MPDZ: variants seen among roughly 807,000 people sequenced by gnomAD.
The protein encoded by MPDZ is multiple PDZ domain crumbs cell polarity complex component, also known as multiple PDZ domain protein.
A neutral mutation model predicts 239.1 loss-of-function variants in MPDZ; 234 were observed. The ratio of observed to expected loss-of-function variants is 0.98; its 90% confidence interval spans 0.88 to 1.09. The LOEUF is 1.09. MPDZ is among the 50% of genes least tolerant of loss of function. The pLI is 0.00. For missense variants in MPDZ, 3,175 were observed against 2,510.0 expected (o/e 1.26, Z -5.66); for synonymous variants, 1,048 against 881.3 (o/e 1.19, Z -3.35).
intron 1 of MPDZ, chr9:13,276,479 C>T (rs540003955): frequency 1.2e-4 from 18 of 152,208 alleles, no homozygotes; most frequent in Admixed American, 3.9e-4. Flanking sequence ...TGATAATGTA[C>T]GTAACAATAT....
intron 12 of MPDZ, among the ~76,000 whole-genome samples, chr9:13,197,958 T>C (rs1221067097): frequency 6.6e-6 from 1 of 152,150 alleles, no homozygotes; most frequent in East Asian, 1.9e-4. Flanking sequence ...GATATTCCAT[T>C]GTGTATATAC....
At chr9:13,270,012 T>C (rs959182111) in intron 1 of MPDZ, among the ~76,000 whole-genome samples, 1 of 152,226 alleles carries the variant, frequency 6.6e-6, no homozygotes, top group Non-Finnish European at 1.5e-5. Context: ...TGTAATTCTA[T>C]AGGATTCATT....
rs1319338068 is a variant in MPDZ at position 13,115,336 on chromosome 9, T to A, written c.5380-2A>T. ...CAAGGTTACTGTGCCTAGGGAACACTGGGGGTGGGCATGGGGGGTGTTTTA... is the reference window on the plus strand; with the variant it reads ...CAAGGTTACTGTGCCTAGGGAACACAGGGGGTGGGCATGGGGGGTGTTTTA... On this transcript the variant is annotated splice_acceptor_variant, in intron 39 of 46. Coordinates refer to ENST00000319217, the MANE Select transcript of MPDZ (RefSeq NM_001378778.1). LOFTEE classifies it high-confidence loss of function. The A allele has an allele frequency of 6.2e-7, 1 of 1,609,932 alleles. No homozygotes were observed. The highest frequency in any genetic ancestry group is 1.1e-5 in the South Asian group (1 of 91,032).
At chr9:13,242,074 G>A (rs1381356167) in intron 3 of MPDZ, among the ~76,000 whole-genome samples, 1 of 152,050 alleles carries the variant, frequency 6.6e-6, no homozygotes, top group Non-Finnish European at 1.5e-5. Flanking sequence ...AGTAAATTAG[G>A]ATGTGATGCT....
chr9:13,211,594 C>T (rs1014344857), intron 10 of MPDZ, among the ~76,000 whole-genome samples: 3 of 151,882 alleles, frequency 2.0e-5, no homozygotes, highest in African/African-American at 7.3e-5. Context: ...ATTACAGCAA[C>T]AAAATAGAAT....
chr9:13,140,159 C>T lies in MPDZ; in HGVS notation c.3841-10G>A, dbSNP rs762872194. On this transcript the variant is annotated splice_polypyrimidine_tract_variant and intron_variant, in intron 27 of 46. Transcript: ENST00000319217. ...CTGACTGACTGGGTGCCTGTGGGAA[C>T]AAAAAGAATGCAGTGGGTTTGTACA... 2 of 1,610,892 alleles carry T rather than the reference C, an allele frequency of 1.2e-6. No individual in the cohort carries two copies. The highest frequency in any genetic ancestry group is 1.7e-6 in the Non-Finnish European group (2 of 1,178,514).
chr9:13,151,443 T>C (rs1216540061), intron 24 of MPDZ, among the ~76,000 whole-genome samples: 1 of 152,098 alleles, frequency 6.6e-6, no homozygotes, highest in Non-Finnish European at 1.5e-5. Flanking sequence ...ACATTCAATA[T>C]TATTCATCCT....
intron 3 of MPDZ, among the ~76,000 whole-genome samples, chr9:13,239,672 T>C (rs1964904490): frequency 6.6e-6 from 1 of 152,174 alleles, no homozygotes; most frequent in Non-Finnish European, 1.5e-5. Context: ...CATGCATTCA[T>C]TTATTAAGCA....
chr9:13,250,449 T>A, intron 1 of MPDZ, 77 bp from the exon 2 acceptor site: 1 of 734,874 alleles, frequency 1.4e-6, no homozygotes, highest in Non-Finnish European at 2.2e-6. Flanking sequence ...GAAGAACACT[T>A]GATACAACTC....
chr9:13,137,631 G>T (rs1342039775), intron 29 of MPDZ, among the ~76,000 whole-genome samples: 1 of 152,104 alleles, frequency 6.6e-6, no homozygotes, highest in South Asian at 2.1e-4. Context: ...TCTGGGGAAT[G>T]ACTGGTCACT....
chr9:13,106,146 G>A lies in MPDZ; in HGVS notation c.*819C>T, dbSNP rs112172825. Reference sequence around the variant, plus strand: ...TGTTAAAACCAGCACTAAAGATTCTGGAACCCTTCTATGTTCCTCTATGGT... The same window carrying A: ...TGTTAAAACCAGCACTAAAGATTCTAGAACCCTTCTATGTTCCTCTATGGT... On this transcript the variant is annotated 3_prime_UTR_variant, in exon 47 of 47. Transcript: ENST00000319217. 6 of 152,154 alleles carry A rather than the reference G, an allele frequency of 3.9e-5. No homozygotes were observed. The highest frequency in any genetic ancestry group is 5.9e-5 in the Non-Finnish European group (4 of 68,000). The allele number at this position is 152,154 out of a possible 1,614,324, so 9.4% of individuals were successfully genotyped here.
rs1212103468 is a variant in MPDZ at position 13,247,711 on chromosome 9, A to G, written c.107T>C (p.Leu36Pro). 1.2e-6 allele frequency: 2 copies of G among 1,613,662 alleles called. No individual in the cohort carries two copies. ...GAGAGGGCTCTGCAGGACTGACTTCAGAAGGCTCAGTTTGTCTTCATTTGC... is the reference window on the plus strand; with the variant it reads ...GAGAGGGCTCTGCAGGACTGACTTCGGAAGGCTCAGTTTGTCTTCATTTGC... ...DVANEDKLSL[L>P]KSVLQSPLFS... The change falls in exon 3 of 47, where the codon CTG becomes CCG. Residue 36 changes from leucine (L) to proline (P), a missense_variant. Physicochemically the swap from Leu to Pro is moderately conservative, Grantham distance 98. Transcript: ENST00000319217.
chr9:13,267,027 T>C (rs1027076767), intron 1 of MPDZ, among the ~76,000 whole-genome samples: 2 of 152,196 alleles, frequency 1.3e-5, no homozygotes, highest in African/African-American at 4.8e-5. Flanking sequence ...ACTTTCCAAA[T>C]ATATATTCAT....
Position 13,208,450 on chromosome 9 carries a change from T to C in MPDZ, c.1291-2351A>G, listed in dbSNP as rs1269091717. Among the ~76,000 whole-genome samples the C allele has an allele frequency of 3.4e-5, 5 of 148,746 alleles. No homozygotes were observed. In the South Asian group the frequency reaches 1.1e-3, roughly 32 times the overall value. On this transcript the variant is annotated intron_variant, in intron 10 of 46. Coordinates refer to ENST00000319217, the MANE Select transcript of MPDZ (RefSeq NM_001378778.1). ...CATCAGAGTGAGACCCTGTCTTACA[T>C]AAATAAATATTAAAAAAAAAAAAAG...
At chr9:13,234,735 A>G (rs1441634507) in intron 3 of MPDZ, among the ~76,000 whole-genome samples, 1 of 152,102 alleles carries the variant, frequency 6.6e-6, no homozygotes, top group African/African-American at 2.4e-5. Context: ...TTTATTTGCT[A>G]CACCTTATTG....
At chr9:13,198,095 C>G (rs927552972) in intron 12 of MPDZ, among the ~76,000 whole-genome samples, 3 of 152,088 alleles carry the variant, frequency 2.0e-5, no homozygotes, top group African/African-American at 7.2e-5. Context: ...GATTTCCTTT[C>G]TTTTGGATAT....
chr9:13,166,868 A>G (rs536883122), intron 22 of MPDZ, among the ~76,000 whole-genome samples: 4 of 152,284 alleles, frequency 2.6e-5, no homozygotes, highest in African/African-American at 9.6e-5. Context: ...AGAGTTGACC[A>G]GATGCATGAC....
intron 32 of MPDZ, 37 bp downstream of exon 32, chr9:13,133,787 A>G: frequency 7.1e-7 from 1 of 1,400,060 alleles, no homozygotes; most frequent in Non-Finnish European, 1.0e-6. Flanking sequence ...AGGTAAAGGA[A>G]CTCACATCAT....
chr9:13,277,441 G>A (rs935308792), intron 1 of MPDZ, among the ~76,000 whole-genome samples: 9 of 152,082 alleles, frequency 5.9e-5, no homozygotes, highest in Admixed American at 5.2e-4. Context: ...AGAGTCAAGG[G>A]GTACCCAAAA....
Sources: allele counts gnomAD v4.1 joint callset (sites outside exome capture counted in the v4.1 genomes callset), GRCh38; gene constraint gnomAD v4.1.1; transcripts MANE v1.5; gene names NCBI Gene and HGNC (gene_info 2026-07-23, HGNC 2026-07-21).